The following ADAMTS19 variants were observed in gnomAD, a reference collection of about 807,000 sequenced individuals.
ADAMTS19 encodes the protein A disintegrin and metalloproteinase with thrombospondin motifs 19.
ADAMTS19 carries 93 observed loss-of-function variants against 153.3 expected under a neutral mutation model. The ratio of observed to expected loss-of-function variants is 0.61; its 90% CI spans 0.51 to 0.72. The LOEUF is 0.72. ADAMTS19 is among the 30% of genes least tolerant of loss of function. The probability of loss-of-function intolerance (pLI) is 0.00; values close to 1 mark genes in which losing one functional copy is unlikely to be tolerated. For synonymous variants in ADAMTS19, 600 were observed against 556.6 expected (o/e 1.08, Z -1.10); for missense variants, 1,482 against 1,552.1 (o/e 0.95, Z 0.76).
At chr5:129,654,174 T>C in intron 13 of ADAMTS19, 132 bp from the exon 14 acceptor site, 1 of 834,250 alleles carries the variant, frequency 1.2e-6, no homozygotes, top group Non-Finnish European at 1.8e-6. Context: ...TGTTATCTAC[T>C]CTAACATTAC....
chr5:129,724,901 A>AT (rs1196550028), intron 21 of ADAMTS19, among the ~76,000 whole-genome samples: 5 of 152,098 alleles, frequency 3.3e-5, no homozygotes, highest in Non-Finnish European at 7.4e-5. Context: ...ACTGTTCTTT[A>AT]TTCTACACCT....
At chr5:129,497,682 C>T (rs755527475) in intron 2 of ADAMTS19, among the ~76,000 whole-genome samples, 6 of 152,018 alleles carry the variant, frequency 3.9e-5, no homozygotes, top group Admixed American at 1.3e-4. Context: ...TGCCACTGTT[C>T]CCCCATGTCC....
intron 3 of ADAMTS19, among the ~76,000 whole-genome samples, chr5:129,513,936 C>T (rs916577867): frequency 6.6e-6 from 1 of 152,042 alleles, no homozygotes; most frequent in Non-Finnish European, 1.5e-5. Flanking sequence ...CCCTCAAACT[C>T]CTCACTACCT....
intron 2 of ADAMTS19, among the ~76,000 whole-genome samples, chr5:129,484,432 A>G (rs1580995338): frequency 6.6e-6 from 1 of 152,036 alleles, no homozygotes; most frequent in Admixed American, 6.6e-5. Context: ...TATTTTTATA[A>G]TTTTGTTAGG....
chr5:129,597,565 G>T (rs1440180196), intron 8 of ADAMTS19, among the ~76,000 whole-genome samples: 1 of 152,026 alleles, frequency 6.6e-6, no homozygotes, highest in East Asian at 1.9e-4. Context: ...ATTAGTTTAG[G>T]ATTCAAATTA....
At chr5:129,634,983 G>A (rs1752471213) in intron 10 of ADAMTS19, among the ~76,000 whole-genome samples, 1 of 152,058 alleles carries the variant, frequency 6.6e-6, no homozygotes, top group South Asian at 2.1e-4. Context: ...AGAGTGGACA[G>A]ACAGCCTACA....
Position 129,658,333 on chromosome 5 carries a change from G to GAA in ADAMTS19, c.2305-282_2305-281dup, listed in dbSNP as rs759202824. On this transcript the variant is annotated intron_variant, in intron 14 of 22. Transcript: ENST00000274487. ...AAAAAGAAAGAAAGAAAGAAAGAAA[G>GAA]AAAGAAAGAAAGAAAGAAAGAAAGA... is the stretch of plus-strand genomic sequence containing the variant. 4.7e-3 allele frequency among the ~76,000 whole-genome samples: 491 copies of GAA among 104,470 alleles called. 8 individuals carry two copies. Among genetic ancestry groups the GAA allele is most frequent in the Non-Finnish European group, 8.3e-3 (397 of 47,998 alleles). The allele number at this position is 104,470 out of a possible 152,430, so 68.5% of individuals were successfully genotyped here.
chr5:129,702,010 T>C (rs1755886329), intron 20 of ADAMTS19, among the ~76,000 whole-genome samples: 1 of 152,184 alleles, frequency 6.6e-6, no homozygotes, highest in South Asian at 2.1e-4. Flanking sequence ...ATTGTTTATA[T>C]TTAATCACCT....
chr5:129,728,914 A>G (rs1387359839), intron 21 of ADAMTS19, among the ~76,000 whole-genome samples: 1 of 152,174 alleles, frequency 6.6e-6, no homozygotes, highest in African/African-American at 2.4e-5. Context: ...TTTTAAGACT[A>G]TGTTAGACAG....
In ADAMTS19 at chr5:129,460,426, T is replaced by C; in HGVS notation, c.35T>C (p.Ile12Thr). 2 of 1,614,056 alleles carry C rather than the reference T, an allele frequency of 1.2e-6. No individual in the cohort carries two copies. Among genetic ancestry groups the C allele is most frequent in the Non-Finnish European group, 1.7e-6 (2 of 1,179,972 alleles). The change falls in exon 1 of 23, where the codon ATC (isoleucine) becomes ACC (threonine). Residue 12 changes from isoleucine (I) to threonine (T), a missense_variant. Ile to Thr is a moderately conservative substitution (Grantham distance 89). Coordinates refer to ENST00000274487, the MANE Select transcript of ADAMTS19 (RefSeq NM_133638.6). ...GKNREMRLTH[I>T]CCCCLLYQLG... ...AACCGCGAGATGCGCCTGACTCACA[T>C]CTGCTGCTGCTGCCTCCTTTACCAG...
intron 7 of ADAMTS19, among the ~76,000 whole-genome samples, chr5:129,595,402 A>G (rs1478897781): frequency 1.3e-5 from 2 of 152,134 alleles, no homozygotes; most frequent in Non-Finnish European, 2.9e-5. Context: ...TGAATCTTCT[A>G]ACTTTGCCAC....
Position 129,620,307 on chromosome 5 carries a change from T to C in ADAMTS19, c.1479-311T>C, listed in dbSNP as rs1212221122. 2.0e-5 allele frequency among the ~76,000 whole-genome samples: 3 copies of C among 152,060 alleles called. No homozygotes were observed. In the East Asian group the frequency reaches 5.8e-4, roughly 29 times the overall value. ...AACATAAATGTATTATTTCTGAGTT[T>C]CATACATACTATTATGCAAAGAATA... On this transcript the variant is annotated intron_variant, in intron 8 of 22. Transcript: ENST00000274487.
intron 18 of ADAMTS19, among the ~76,000 whole-genome samples, chr5:129,689,875 C>T (rs1452026411): frequency 6.6e-6 from 1 of 152,082 alleles, no homozygotes; most frequent in African/African-American, 2.4e-5. Flanking sequence ...TTAATAAAAA[C>T]ATCTTATATT....
In ADAMTS19 at chr5:129,551,851, T is replaced by G; in HGVS notation, c.1329-13T>G. The G allele has an allele frequency of 6.5e-7, 1 of 1,546,042 alleles. No homozygotes were observed. The highest frequency in any genetic ancestry group is 8.8e-7 in the Non-Finnish European group (1 of 1,139,146). The stretch of plus-strand genomic sequence containing the variant: ...AATTTATCTTTATTTCAGTTTTCTA[T>G]TTTTCTTTCTAGGAAAGATTTCTGT... On this transcript the variant is annotated splice_polypyrimidine_tract_variant and intron_variant, in intron 6 of 22. Coordinates refer to ENST00000274487, the MANE Select transcript of ADAMTS19 (RefSeq NM_133638.6).
intron 16 of ADAMTS19, among the ~76,000 whole-genome samples, chr5:129,673,954 G>T (rs1308177810): frequency 6.6e-6 from 1 of 152,066 alleles, no homozygotes; most frequent in African/African-American, 2.4e-5. Context: ...CCATTGGCCG[G>T]GGACGGTAAC....
intron 7 of ADAMTS19, among the ~76,000 whole-genome samples, chr5:129,584,639 C>T (rs1749693235): frequency 6.6e-6 from 1 of 152,162 alleles, no homozygotes; most frequent in Non-Finnish European, 1.5e-5. Flanking sequence ...AGTGGCTTTG[C>T]AGAGCTGAGA....
At chr5:129,612,189 A>G (rs1288242827) in intron 8 of ADAMTS19, among the ~76,000 whole-genome samples, 1 of 134,974 alleles carries the variant, frequency 7.4e-6, no homozygotes, top group African/African-American at 2.8e-5. Flanking sequence ...TGTTCTCATT[A>G]TTCAATTCCC....
chr5:129,505,798 A>G (rs1751251171), intron 2 of ADAMTS19, among the ~76,000 whole-genome samples: 1 of 152,152 alleles, frequency 6.6e-6, no homozygotes, highest in Non-Finnish European at 1.5e-5. Flanking sequence ...ATAGAAATAA[A>G]TTAGAAAACA....
intron 7 of ADAMTS19, among the ~76,000 whole-genome samples, chr5:129,565,890 T>A (rs573712168): frequency 6.6e-6 from 1 of 152,278 alleles, no homozygotes; most frequent in Non-Finnish European, 1.5e-5. Context: ...GAAATTTTTC[T>A]TAGCATTTTT....
Sources: allele counts gnomAD v4.1 joint callset (sites outside exome capture counted in the v4.1 genomes callset), GRCh38; gene constraint gnomAD v4.1.1; transcripts MANE v1.5; gene names NCBI Gene and HGNC (gene_info 2026-07-23, HGNC 2026-07-21).